Variants in DUOX1 observed in about 807,000 individuals in gnomAD.
DUOX1 encodes the protein NADPH thyroid oxidase 1.
DUOX1 carries 134 observed loss-of-function variants against 181.8 expected under a neutral mutation model. The observed-to-expected ratio is 0.74, with a 90% CI of 0.64 to 0.85. The LOEUF (loss-of-function observed/expected upper bound fraction) is 0.85. DUOX1 is among the 40% of genes least tolerant of loss of function. The probability of loss-of-function intolerance (pLI) is 0.00; values close to 1 mark genes in which losing one functional copy is unlikely to be tolerated. For missense variants in DUOX1, 1,814 were observed against 2,064.4 expected (o/e 0.88, Z 2.35); for synonymous variants, 798 against 832.5 (o/e 0.96, Z 0.71).
At chr15:45,156,579 C>T (rs756553080) in intron 28 of DUOX1, among the ~76,000 whole-genome samples, 6 of 152,214 alleles carry the variant, frequency 3.9e-5, no homozygotes, top group South Asian at 4.2e-4. Context: ...ACTACAGGCA[C>T]GCACCACCAT....
chr15:45,163,167 G>C (rs1307309336), intron 31 of DUOX1, among the ~76,000 whole-genome samples: 1 of 152,214 alleles, frequency 6.6e-6, no homozygotes, highest in Non-Finnish European at 1.5e-5. Flanking sequence ...GTCTCCCTGA[G>C]GCTGCTCTGT....
intron 28 of DUOX1, among the ~76,000 whole-genome samples, chr15:45,158,273 CAG>C (rs1234753447): frequency 2.0e-5 from 3 of 152,166 alleles, no homozygotes; most frequent in African/African-American, 7.2e-5. Flanking sequence ...CACAATGAAA[CAG>C]TGAACTTGGG....
intron 28 of DUOX1, among the ~76,000 whole-genome samples, chr15:45,156,185 G>A (rs867806944): frequency 4.6e-5 from 7 of 152,078 alleles, no homozygotes; most frequent in South Asian, 2.1e-4. Context: ...TCCATTCCTC[G>A]CAGACACCTC....
In DUOX1 at chr15:45,136,535, G is replaced by C; in HGVS notation, c.932G>C (p.Arg311Pro). ...QKTLPEYTGY[R>P]PFLDPSISSE... is the part of the protein sequence containing the mutation. The stretch of plus-strand genomic sequence containing the variant: ...TCTTCTCCTATTTCCCCAGGATACC[G>C]GCCATTTCTGGACCCCAGCATCTCC... Residue 311 changes from arginine (R) to proline (P), a missense_variant, in exon 9 of 34, where the codon CGG (arginine) becomes CCG (proline). Coordinates refer to ENST00000389037, the MANE Select transcript of DUOX1 (RefSeq NM_175940.3). The C allele has an allele frequency of 1.2e-6, 2 of 1,614,084 alleles. No homozygotes were observed. Among genetic ancestry groups the C allele is most frequent in the South Asian group, 2.2e-5 (2 of 91,086 alleles).
chr15:45,148,424 G>A lies in DUOX1; in HGVS notation c.2795G>A (p.Arg932His), dbSNP rs374957924. 3.2e-5 allele frequency: 52 copies of A among 1,613,344 alleles called. No homozygotes were observed. Among genetic ancestry groups the A allele is most frequent in the African/African-American group, 6.7e-5 (5 of 75,046 alleles). The change falls in exon 21 of 34, where the codon CGC becomes CAC. Residue 932 changes from arginine to histidine, a missense_variant. By Grantham distance (29) the Arg-to-His change is conservative. This residue lies in a region of DUOX1 where 1,064 missense variants were observed against 1,152.9 expected (regional missense o/e 0.92). Transcript: ENST00000389037. The part of the protein sequence containing the change: ...FMLRDHNSEL[R>H]FTQLCVKGVE... Reference sequence around the variant, plus strand: ...CTGCGGGACCACAATAGCGAGCTCCGCTTCACGCAGCTCTGTGTCAAAGGT... The same window carrying A: ...CTGCGGGACCACAATAGCGAGCTCCACTTCACGCAGCTCTGTGTCAAAGGT...
chr15:45,152,211 C>T, intron 24 of DUOX1, 75 bp from the exon 25 acceptor site: 1 of 1,484,478 alleles, frequency 6.7e-7, no homozygotes, highest in Non-Finnish European at 9.1e-7. Flanking sequence ...GGCAGCCGGC[C>T]AGGGCCTACC....
At position 45,145,096 on chromosome 15, in the gene DUOX1, C is replaced by G; in HGVS notation, c.2322+16C>G. On this transcript the variant is annotated intron_variant, in intron 18 of 33. Coordinates refer to ENST00000389037, the MANE Select transcript of DUOX1 (RefSeq NM_175940.3). Reference sequence around the variant, plus strand: ...TTTCTCCCAGGTGTGTACATGGGACCAGATCAATCCTTATGCTGTGGTGGT... The same window carrying G: ...TTTCTCCCAGGTGTGTACATGGGACGAGATCAATCCTTATGCTGTGGTGGT... 6.4e-7 allele frequency: 1 copy of G among 1,570,498 alleles called. No individual in the cohort carries two copies. Among genetic ancestry groups the G allele is most frequent in the Non-Finnish European group, 8.6e-7 (1 of 1,159,024 alleles).
At chr15:45,154,823 C>T (rs906548752) in intron 27 of DUOX1, among the ~76,000 whole-genome samples, 1 of 152,210 alleles carries the variant, frequency 6.6e-6, no homozygotes, top group African/African-American at 2.4e-5. Context: ...AGGGAGCATT[C>T]TCTGTCCTCT....
intron 3 of DUOX1, 62 bp downstream of exon 3, chr15:45,134,009 C>A: frequency 6.3e-7 from 1 of 1,587,380 alleles, no homozygotes. Flanking sequence ...TGCTGCGGGG[C>A]AAGAGCTGGC....
At chr15:45,149,149 C>T (rs939134676) in intron 21 of DUOX1, among the ~76,000 whole-genome samples, 2 of 152,136 alleles carry the variant, frequency 1.3e-5, no homozygotes, top group African/African-American at 4.8e-5. Context: ...AGGACTCTCA[C>T]TGGGGCATGT....
chr15:45,152,653 G>C, intron 25 of DUOX1, 137 bp downstream of exon 25: 1 of 874,738 alleles, frequency 1.1e-6, no homozygotes, highest in Non-Finnish European at 1.8e-6. Context: ...CCTGGGCCAG[G>C]GTGTGAAGTA....
chr15:45,141,960 C>T lies in DUOX1; in HGVS notation c.1685-15C>T. On this transcript the variant is annotated splice_polypyrimidine_tract_variant and intron_variant, in intron 14 of 33. Coordinates refer to ENST00000389037, the MANE Select transcript of DUOX1 (RefSeq NM_175940.3). ...GGCCCAGCACCCAGGACGCTGGCTT[C>T]CTCTGCCTTCCCAGGAGACCCCTGT... 6.2e-7 allele frequency: 1 copy of T among 1,604,552 alleles called. No individual in the cohort carries two copies. The highest frequency in any genetic ancestry group is 1.1e-5 in the South Asian group (1 of 89,930).
At chr15:45,161,334 G>A (rs1487812365) in intron 29 of DUOX1, among the ~76,000 whole-genome samples, 2 of 147,736 alleles carry the variant, frequency 1.4e-5, no homozygotes, top group Admixed American at 6.9e-5. Flanking sequence ...CAGGAGAATC[G>A]GTTGAACCTG....
intron 9 of DUOX1, among the ~76,000 whole-genome samples, chr15:45,137,669 C>T (rs1434197887): frequency 2.0e-5 from 3 of 151,800 alleles, no homozygotes; most frequent in African/African-American, 7.3e-5. Context: ...TGTGTATATA[C>T]ATATATTGAG....
rs775240937 is a variant in DUOX1, at chr15:45,161,965, C to A, written c.4084C>A (p.Pro1362Thr). The A allele has an allele frequency of 1.9e-6, 3 of 1,609,904 alleles. No homozygotes were observed. The highest frequency in any genetic ancestry group is 2.5e-6 in the Non-Finnish European group (3 of 1,178,010). ...APTGDRCARY[P>T]KLYLDGPFGE... is the part of the protein sequence containing the mutation. ...GACGGGTGACAGATGTGCCAGATAC[C>A]CAAAGGTACCAGACCCTGGCCAGAC... Residue 1362 changes from proline (P) to threonine (T), a missense_variant, in exon 30 of 34, where the codon CCA (proline) becomes ACA (threonine). Around this residue, in one of 5 missense-constraint regions of DUOX1, gnomAD observed 279 missense variants for 381.9 expected, o/e 0.73. Transcript: ENST00000389037.
chr15:45,155,604 G>A (rs1268056890), intron 27 of DUOX1, 198 bp from the exon 28 acceptor site: 2 of 671,868 alleles, frequency 3.0e-6, no homozygotes, highest in East Asian at 2.8e-5. Context: ...GGTGACAAGG[G>A]CTATGAAAAG....
intron 28 of DUOX1, among the ~76,000 whole-genome samples, chr15:45,156,770 T>C (rs796709307): frequency 2.0e-5 from 3 of 152,254 alleles, no homozygotes; most frequent in African/African-American, 7.2e-5. Flanking sequence ...TCCCCTTTCC[T>C]TCTCCTTAAC....
chr15:45,163,429 C>T (rs1012111900), intron 31 of DUOX1, 103 bp from the exon 32 acceptor site: 1 of 1,517,490 alleles, frequency 6.6e-7, no homozygotes, highest in Non-Finnish European at 8.9e-7. Context: ...TAGGGAAGGG[C>T]ACAAGCTAGC....
In DUOX1 at chr15:45,147,510, T is replaced by C. The variant is rs369697625; in HGVS notation, c.2400T>C (p.Cys800=). 1.1e-4 allele frequency: 177 copies of C among 1,613,936 alleles called. No homozygotes were observed. The highest frequency in any genetic ancestry group is 1.5e-4 in the Non-Finnish European group (173 of 1,179,966). ...SSQKVREALT[C]ELSRAEFAES... is the part of the protein sequence containing the mutation. ...AGAAGGTGCGGGAGGCCCTGACCTGTGAGCTGAGCAGGGCCGAGTTTGCCG... is the reference window on the plus strand; with the variant it reads ...AGAAGGTGCGGGAGGCCCTGACCTGCGAGCTGAGCAGGGCCGAGTTTGCCG... The change falls in exon 19 of 34, where the codon TGT becomes TGC. Residue 800 remains cysteine (C), a synonymous_variant. Coordinates refer to ENST00000389037, the MANE Select transcript of DUOX1 (RefSeq NM_175940.3).
Sources: allele counts gnomAD v4.1 joint callset (sites outside exome capture counted in the v4.1 genomes callset), GRCh38; gene constraint gnomAD v4.1.1; regional missense constraint gnomAD v4.1.1; transcripts MANE v1.5; gene names NCBI Gene and HGNC (gene_info 2026-07-23, HGNC 2026-07-21).